Variants in ZNF331 observed in about 807,000 individuals in gnomAD.
ZNF331 encodes the protein zinc finger protein 331, also known as C2H2-like zinc finger protein rearranged in thyroid adenomas.
Under a neutral mutation model 7.0 loss-of-function variants are expected in ZNF331, and 2 were observed. The observed-to-expected ratio is 0.29, with a 90% CI of 0.12 to 0.90. ZNF331 has a LOEUF of 0.90. Among genes scored for constraint, ZNF331 ranks in the 40% least tolerant of loss-of-function variants. The pLI is 0.58. For missense variants in ZNF331, 432 were observed against 587.7 expected, an observed-to-expected ratio of 0.74 and a Z score of 2.74; for synonymous variants, 196 against 205.4, an observed-to-expected ratio of 0.95 and a Z score of 0.39.
chr19:53,559,002 A>G (rs1283017081), intron 3 of ZNF331, among the ~76,000 whole-genome samples: 1 of 151,408 alleles, frequency 6.6e-6, no homozygotes, highest in Non-Finnish European at 1.5e-5. Context: ...CCCCATATAT[A>G]CACACATATA....
intron 5 of ZNF331, among the ~76,000 whole-genome samples, chr19:53,575,078 AG>A (rs202141625): frequency 0.011 from 1,733 of 151,398 alleles, 37 homozygotes; most frequent in African/African-American, 0.04. Flanking sequence ...CTGGGACTAT[AG>A]GTGTACACCA....
intron 2 of ZNF331, among the ~76,000 whole-genome samples, chr19:53,525,764 T>G (rs554810268): frequency 3.3e-4 from 50 of 152,334 alleles, no homozygotes; most frequent in African/African-American, 1.1e-3. Flanking sequence ...CTTCTTCACT[T>G]CCTATTTGAT....
At chr19:53,540,491 G>A (rs192579414) in intron 2 of ZNF331, among the ~76,000 whole-genome samples, 1 of 151,172 alleles carries the variant, frequency 6.6e-6, no homozygotes, top group Non-Finnish European at 1.5e-5. Flanking sequence ...GGAGCGCAGT[G>A]GCACAATCTT....
chr19:53,575,739 A>G (rs904109621), intron 5 of ZNF331, among the ~76,000 whole-genome samples: 1 of 151,574 alleles, frequency 6.6e-6, no homozygotes, highest in African/African-American at 2.4e-5. Flanking sequence ...GCTGGAGTGC[A>G]GTGGCACAAT....
At chr19:53,506,392 A>C in the ZNF331 span, among the ~76,000 whole-genome samples, 2 of 123,554 alleles carry the variant, frequency 1.6e-5, no homozygotes, top group African/African-American at 3.2e-5. Flanking sequence ...GGCCCCTACC[A>C]CATACACACT....
chr19:53,571,514 T>G lies in ZNF331; in HGVS notation c.10-90T>G, dbSNP rs2090445170. 3 of 1,543,916 alleles carry G rather than the reference T, an allele frequency of 1.9e-6. No individual in the cohort carries two copies. Among genetic ancestry groups the G allele is most frequent in the Middle Eastern group, 1.8e-4 (1 of 5,592 alleles). ...ACGGGTGTTCAGTCTGCTCACGGTG[T>G]TCACCCTACCCAGAGGGTGGCCTCC... On this transcript the variant is annotated intron_variant, in intron 4 of 5. Coordinates refer to ENST00000449416, the MANE Select transcript of ZNF331 (RefSeq NM_001079906.2). This position sits in a 1 kb window ranked among gnomAD's most constrained non-coding sequence, Gnocchi z 4.7.
chr19:53,542,014 A>G (rs1243039613), intron 2 of ZNF331, among the ~76,000 whole-genome samples: 1 of 150,798 alleles, frequency 6.6e-6, no homozygotes, highest in Non-Finnish European at 1.5e-5. Flanking sequence ...AAAAAAAAAC[A>G]AGAAAAAAAC....
At chr19:53,549,107 A>G (rs547179215) in intron 2 of ZNF331, among the ~76,000 whole-genome samples, 2 of 152,080 alleles carry the variant, frequency 1.3e-5, no homozygotes, top group South Asian at 4.1e-4. Context: ...ACCTGGCCTC[A>G]TTTTTCTCTA....
chr19:53,573,880 A>G lies in ZNF331; in HGVS notation c.136+2150A>G, dbSNP rs1400788340. Among the ~76,000 whole-genome samples the G allele has an allele frequency of 3.9e-5, 6 of 152,194 alleles. No individual in the cohort carries two copies. The highest frequency in any genetic ancestry group is 1.4e-4 in the African/African-American group (6 of 41,464). On this transcript the variant is annotated intron_variant, in intron 5 of 5. Transcript: ENST00000449416. The surrounding 1 kb of genome is among the most constrained non-coding windows in gnomAD (Gnocchi z 4.2). ...ATAATCCCAGCACTTTGGGAGTCCA[A>G]GGCGGGCAGATCACCTGAAGTCAGG...
Position 53,544,619 on chromosome 19 carries a change from C to G in ZNF331, c.-138+5337C>G, listed in dbSNP as rs138209297. ...AGCAGACCATAATTTAACCCATCCTCTACTGTGAGATACTGCTATTTTTTT... is the reference window on the plus strand; with the variant it reads ...AGCAGACCATAATTTAACCCATCCTGTACTGTGAGATACTGCTATTTTTTT... On this transcript the variant is annotated intron_variant, in intron 2 of 5. Transcript: ENST00000449416. 3.5e-3 allele frequency among the ~76,000 whole-genome samples: 536 copies of G among 152,020 alleles called. 5 individuals carry two copies. Among genetic ancestry groups the G allele is most frequent in the African/African-American group, 0.012 (515 of 41,476 alleles).
chr19:53,543,643 G>A lies in ZNF331; in HGVS notation c.-138+4361G>A, dbSNP rs575595372. ...AAGAAAAAAAGCAAGGAGATTGGCC[G>A]ACATGAGTTGGTCTTCAATAATAAC... On this transcript the variant is annotated intron_variant, in intron 2 of 5. Transcript: ENST00000449416. Among the ~76,000 whole-genome samples, 26 of 152,258 alleles carry A rather than the reference G, an allele frequency of 1.7e-4. No homozygotes were observed. In the South Asian group the frequency reaches 4.6e-3, roughly 27 times the overall value.
chr19:53,512,537 A>G, the ZNF331 span: 1 of 152,534 alleles, frequency 6.6e-6, no homozygotes, highest in Non-Finnish European at 1.5e-5. Context: ...TAAGTTGGGC[A>G]TCATGGGTCT....
chr19:53,568,935 C>A (rs1460650150), intron 3 of ZNF331, among the ~76,000 whole-genome samples: 1 of 148,572 alleles, frequency 6.7e-6, no homozygotes, highest in African/African-American at 2.5e-5. Context: ...CAGCTCACTG[C>A]AACCTCCGCC....
Position 53,577,434 on chromosome 19 carries a change from A to T in ZNF331, c.874A>T (p.Ile292Phe). 1 of 1,614,262 alleles carries T rather than the reference A, an allele frequency of 6.2e-7. No homozygotes were observed. Residue 292 changes from isoleucine to phenylalanine, a missense_variant, in exon 6 of 6, where the codon ATT (isoleucine) becomes TTT (phenylalanine). By Grantham distance (21) the Ile-to-Phe change is conservative (BLOSUM62 0). Transcript: ENST00000449416. Reference protein sequence around the residue: ...CGSSLIQHKRIHTGEKPYECQ... With the variant: ...CGSSLIQHKRFHTGEKPYECQ... ...TTCAAGCCTCATTCAGCATAAAAGAATTCACACAGGTGAGAAACCCTATGA... is the reference window on the plus strand; with the variant it reads ...TTCAAGCCTCATTCAGCATAAAAGATTTCACACAGGTGAGAAACCCTATGA...
upstream of ZNF331, among the ~76,000 whole-genome samples, chr19:53,514,673 CAG>C (rs1369099824): frequency 8.0e-5 from 5 of 62,638 alleles, no homozygotes; most frequent in Non-Finnish European, 3.4e-5. Context: ...TTTTTTGAGA[CAG>C]AGTTTCACAC....
chr19:53,578,109 A>G lies in ZNF331; in HGVS notation c.*157A>G. 1 of 1,010,630 alleles carries G rather than the reference A, an allele frequency of 9.9e-7. No homozygotes were observed. The highest frequency in any genetic ancestry group is 1.4e-6 in the Non-Finnish European group (1 of 716,578). The allele number at this position is 1,010,630 out of a possible 1,614,324, so 62.6% of individuals were successfully genotyped here. ...GTGTGCCCTTCTGAGTAGCGTGATG[A>G]AATCTCTCGCTGTCCGGCTCCAGCC... On this transcript the variant is annotated 3_prime_UTR_variant, in exon 6 of 6. Transcript: ENST00000449416.
At position 53,545,865 on chromosome 19, in the gene ZNF331, T is replaced by G. The variant is rs564720965; in HGVS notation, c.-138+6583T>G. 2.6e-4 allele frequency among the ~76,000 whole-genome samples: 40 copies of G among 151,876 alleles called. 2 individuals carry two copies. The South Asian group carries it at 3.7e-3, about 14-fold the overall frequency. ...TCACAGTAACGGGAAGCCTCAGGAG[T>G]GGGAGTCCTTGTGGAGGGAGAGGTG... is the stretch of plus-strand genomic sequence containing the variant. On this transcript the variant is annotated intron_variant, in intron 2 of 5. Transcript: ENST00000449416.
chr19:53,505,802 T>G, the ZNF331 span, among the ~76,000 whole-genome samples: 1 of 151,556 alleles, frequency 6.6e-6, no homozygotes, highest in East Asian at 2.0e-4. Context: ...CTGGCCAACA[T>G]GGTGAAACCC....
upstream of ZNF331, among the ~76,000 whole-genome samples, chr19:53,534,063 G>A (rs2087644030): frequency 6.6e-6 from 1 of 152,156 alleles, no homozygotes; most frequent in Non-Finnish European, 1.5e-5. Flanking sequence ...AGCTGTTATA[G>A]CAGCCAAAAC....
Sources: allele counts gnomAD v4.1 joint callset (sites outside exome capture counted in the v4.1 genomes callset), GRCh38; gene constraint gnomAD v4.1.1; non-coding constraint Gnocchi (gnomAD v3.1); transcripts MANE v1.5; gene names NCBI Gene and HGNC (gene_info 2026-07-23, HGNC 2026-07-21).